The following CDH23 variants were observed in gnomAD, a reference collection of about 807,000 sequenced individuals.
CDH23 encodes cadherin-23.
Under a neutral mutation model 317.1 loss-of-function variants are expected in CDH23, and 189 were observed. The observed-to-expected ratio is 0.60, with a 90% CI of 0.53 to 0.67. The LOEUF is 0.67. Ranked by LOEUF, CDH23 falls within the 30% of genes least tolerant of loss-of-function variation. The probability of loss-of-function intolerance (pLI) is 0.00; values close to 1 mark genes in which losing one functional copy is unlikely to be tolerated. For missense variants in CDH23, 4,401 were observed against 4,592.4 expected, an observed-to-expected ratio of 0.96 and a Z score of 1.20; for synonymous variants, 1,839 against 1,876.8, an observed-to-expected ratio of 0.98 and a Z score of 0.52.
chr10:71,720,976 T>C lies in CDH23; in HGVS notation c.3370-3069T>C, dbSNP rs77577796. ...GTGTTTTCAATGCCCAGAGTCCCCA[T>C]TGGGATTCCTGCACCTTCCATCACA... On this transcript the variant is annotated intron_variant, in intron 28 of 69. Coordinates refer to ENST00000224721, the MANE Select transcript of CDH23 (RefSeq NM_022124.6). 3.8e-3 allele frequency among the ~76,000 whole-genome samples: 574 copies of C among 152,272 alleles called. 1 individual carries two copies. The highest frequency in any genetic ancestry group is 0.011 in the African/African-American group (443 of 41,540).
chr10:71,779,966 G>T (rs935821109), intron 41 of CDH23, among the ~76,000 whole-genome samples: 2 of 152,220 alleles, frequency 1.3e-5, no homozygotes, highest in African/African-American at 2.4e-5. Context: ...GGGAATCCCA[G>T]ATCCAAAGGC....
intron 38 of CDH23, among the ~76,000 whole-genome samples, chr10:71,768,317 C>A (rs979061022): frequency 1.1e-4 from 16 of 152,062 alleles, no homozygotes; most frequent in Non-Finnish European, 2.1e-4. Context: ...ACTACAGGCA[C>A]CCGCCACCAC....
intron 9 of CDH23, among the ~76,000 whole-genome samples, chr10:71,594,923 T>C (rs2132457065): frequency 6.6e-6 from 1 of 152,332 alleles, no homozygotes; most frequent in East Asian, 1.9e-4. Context: ...TAGATTAATA[T>C]TTAATTTACC....
In CDH23 at chr10:71,454,845, A is replaced by T. The variant is rs1047393500; in HGVS notation, c.145+8450A>T. ...ACATACTATATTTTTTTTACATTTT[A>T]TTTTTTTTTTTTTTTAGAAACAGGA... On this transcript the variant is annotated intron_variant, in intron 3 of 69. Coordinates refer to ENST00000224721, the MANE Select transcript of CDH23 (RefSeq NM_022124.6). Among the ~76,000 whole-genome samples the T allele has an allele frequency of 2.0e-3, 282 of 141,292 alleles. 3 individuals are homozygous for T. Among genetic ancestry groups the T allele is most frequent in the African/African-American group, 6.1e-3 (234 of 38,578 alleles). 92.7% of individuals were successfully genotyped at this position (141,292 alleles called of 152,430 possible). A position where few individuals can be genotyped will look rare whatever the true frequency, so the allele number is the denominator to read the frequency against.
rs554473884 is a variant in CDH23, at chr10:71,786,561, G to A, written c.5820+823G>A. The stretch of plus-strand genomic sequence containing the variant: ...AGCTGGTGTGCAGTGGTGCAATCGT[G>A]ATCTCAGCTCACTGCAACCTCCACC... On this transcript the variant is annotated intron_variant, in intron 44 of 69. Transcript: ENST00000224721. 2.1e-4 allele frequency among the ~76,000 whole-genome samples: 30 copies of A among 141,628 alleles called. 1 individual carries two copies. In the South Asian group the frequency reaches 6.2e-3, roughly 29 times the overall value. 92.9% of individuals were successfully genotyped at this position (141,628 alleles called of 152,430 possible).
chr10:71,515,902 T>C (rs1854310763), intron 6 of CDH23, among the ~76,000 whole-genome samples: 1 of 152,230 alleles, frequency 6.6e-6, no homozygotes, highest in African/African-American at 2.4e-5. Context: ...AATGCCATGG[T>C]AGCTTTGTAT....
chr10:71,505,246 C>T lies in CDH23; in HGVS notation c.146-4836C>T, dbSNP rs560181405. 2.6e-5 allele frequency among the ~76,000 whole-genome samples: 4 copies of T among 151,616 alleles called. No individual in the cohort carries two copies. In the South Asian group the frequency reaches 8.4e-4, roughly 32 times the overall value. ...GTAGAACACGGACCTCTGAGTTATGCTCTTGAGAGGTGCCAAAGCTGGGCT... is the reference window on the plus strand; with the variant it reads ...GTAGAACACGGACCTCTGAGTTATGTTCTTGAGAGGTGCCAAAGCTGGGCT... On this transcript the variant is annotated intron_variant, in intron 3 of 69. Transcript: ENST00000224721.
intron 10 of CDH23, among the ~76,000 whole-genome samples, chr10:71,616,885 G>A (rs1455279973): frequency 1.3e-5 from 2 of 152,118 alleles, no homozygotes; most frequent in African/African-American, 2.4e-5. Context: ...CTTGTCCCTC[G>A]ATGAACCCCC....
At chr10:71,500,782 T>C (rs1159902761) in intron 3 of CDH23, among the ~76,000 whole-genome samples, 1 of 149,342 alleles carries the variant, frequency 6.7e-6, no homozygotes, top group Admixed American at 6.7e-5. Context: ...TTCTTTTCTT[T>C]TCTTTTCTTT....
In CDH23 at chr10:71,512,703, T is replaced by C. The variant is rs573879488; in HGVS notation, c.429+1491T>C. ...GCCCTTGGGCTGGGGGCCAGCCTTT[T>C]CCTCTCTCCTGCTTCAGGAGATGTG... On this transcript the variant is annotated intron_variant, in intron 6 of 69. Transcript: ENST00000224721. Among the ~76,000 whole-genome samples, 4 of 152,322 alleles carry C rather than the reference T, an allele frequency of 2.6e-5. No homozygotes were observed. The East Asian group carries it at 7.7e-4, about 29-fold the overall frequency.
intron 6 of CDH23, among the ~76,000 whole-genome samples, chr10:71,521,684 C>G (rs922528609): frequency 2.0e-5 from 3 of 152,344 alleles, no homozygotes; most frequent in South Asian, 2.1e-4. Context: ...TACAGATAAG[C>G]AAGCCAAGTG....
At position 71,789,002 on chromosome 10, in the gene CDH23, A is replaced by G. The variant is rs1465650198; in HGVS notation, c.5883A>G (p.Lys1961=). 3 of 1,602,266 alleles carry G rather than the reference A, an allele frequency of 1.9e-6. No homozygotes were observed. The highest frequency in any genetic ancestry group is 1.7e-5 in the Admixed American group (1 of 60,004). ...ATGACAACCACCCCCTCTTCACTAA[A>G]AGCACCTACCAGGCAGAGGTGATGG... ...DENDNHPLFT[K]STYQAEVMEN... Residue 1961 remains lysine, a synonymous_variant, in exon 45 of 70, where the codon AAA becomes AAG. Coordinates refer to ENST00000224721, the MANE Select transcript of CDH23 (RefSeq NM_022124.6).
chr10:71,772,340 C>G (rs1840704677), intron 38 of CDH23, among the ~76,000 whole-genome samples: 1 of 152,222 alleles, frequency 6.6e-6, no homozygotes, highest in Admixed American at 6.5e-5. Flanking sequence ...TGTGCCAAGC[C>G]CTCCACCTCC....
intron 3 of CDH23, among the ~76,000 whole-genome samples, chr10:71,452,653 G>C (rs972603843): frequency 6.6e-6 from 1 of 152,150 alleles, no homozygotes; most frequent in East Asian, 1.9e-4. Context: ...ACACTCTAGC[G>C]TGGCTATTTG....
At chr10:71,695,911 G>A (rs762222957) in intron 22 of CDH23, among the ~76,000 whole-genome samples, 34 of 152,268 alleles carry the variant, frequency 2.2e-4, no homozygotes, top group Middle Eastern at 3.4e-3. Flanking sequence ...CCCAGCACCT[G>A]TCTTTCACTG....
At chr10:71,506,247 G>A (rs556131599) in intron 3 of CDH23, among the ~76,000 whole-genome samples, 5 of 152,332 alleles carry the variant, frequency 3.3e-5, no homozygotes, top group African/African-American at 1.2e-4. Flanking sequence ...TTCATGGGGA[G>A]TGACTGGTTC....
rs184340895 is a variant in CDH23, at chr10:71,758,938, C to T, written c.4845+17017C>T. Among the ~76,000 whole-genome samples the T allele has an allele frequency of 2.9e-3, 445 of 151,930 alleles. 5 individuals are homozygous for T. The Middle Eastern group carries it at 0.048, about 16-fold the overall frequency. On this transcript the variant is annotated intron_variant, in intron 38 of 69. Coordinates refer to ENST00000224721, the MANE Select transcript of CDH23 (RefSeq NM_022124.6). ...AGGCTGGAGTGCAGTGGTGTGATCT[C>T]GGCTCACTGCAACTTCTGCCTCCCA...
intron 11 of CDH23, among the ~76,000 whole-genome samples, chr10:71,640,479 G>T (rs1179352116): frequency 1.3e-5 from 2 of 152,242 alleles, no homozygotes; most frequent in Non-Finnish European, 2.9e-5. Context: ...TCCGGGAGCG[G>T]TGGCTCACGC....
At chr10:71,685,430 G>A (rs1422003933) in intron 18 of CDH23, among the ~76,000 whole-genome samples, 1 of 152,222 alleles carries the variant, frequency 6.6e-6, no homozygotes, top group African/African-American at 2.4e-5. Flanking sequence ...AAAGGGGCCG[G>A]AGCATGCAGA....
Sources: allele counts gnomAD v4.1 joint callset (sites outside exome capture counted in the v4.1 genomes callset), GRCh38; gene constraint gnomAD v4.1.1; transcripts MANE v1.5; gene names NCBI Gene and HGNC (gene_info 2026-07-23, HGNC 2026-07-21).